Variants in CALCR observed in about 807,000 individuals in gnomAD.
CALCR encodes the protein calcitonin receptor.
In CALCR, 47 loss-of-function variants were observed where a neutral mutation model predicts 59.5. The ratio of observed to expected loss-of-function variants is 0.79; its 90% CI spans 0.63 to 1.01. CALCR has a LOEUF of 1.01. Among genes scored for constraint, CALCR ranks in the 50% least tolerant of loss-of-function variants. The pLI is 0.00. For missense variants in CALCR, 566 were observed against 597.1 expected (o/e 0.95, Z 0.54); for synonymous variants, 213 against 211.3 (o/e 1.01, Z -0.07).
chr7:93,466,116 G>A (rs1315082156), intron 7 of CALCR, among the ~76,000 whole-genome samples: 1 of 151,824 alleles, frequency 6.6e-6, no homozygotes, highest in Non-Finnish European at 1.5e-5. Context: ...TTATAAAATT[G>A]TTTGGAGTTT....
intron 2 of CALCR, among the ~76,000 whole-genome samples, chr7:93,530,546 A>T (rs1388262623): frequency 6.6e-6 from 1 of 152,106 alleles, no homozygotes; most frequent in Non-Finnish European, 1.5e-5. Context: ...TACATTTTAA[A>T]ATTCATTAGA....
Position 93,436,162 on chromosome 7 carries a change from G to C in CALCR, c.939C>G (p.Phe313Leu), listed in dbSNP as rs199570255. The C allele has an allele frequency of 6.2e-7, 1 of 1,613,744 alleles. No individual in the cohort carries two copies. ...GPVMAALVVN[F>L]FFLLNIVRVL... is the part of the protein sequence containing the mutation. Reference sequence around the variant, plus strand: ...CCCGGACAATGTTGAGCAAAAAGAAGAAATTGACCTGCAAATATACGGTGT... The same window carrying C: ...CCCGGACAATGTTGAGCAAAAAGAACAAATTGACCTGCAAATATACGGTGT... The change falls in exon 12 of 14, where the codon TTC (phenylalanine) becomes TTG (leucine). Residue 313 changes from phenylalanine to leucine, a missense_variant. Phe to Leu is a conservative substitution (Grantham distance 22). Transcript: ENST00000426151.
intron 2 of CALCR, among the ~76,000 whole-genome samples, chr7:93,534,289 T>C (rs1052468857): frequency 2.4e-4 from 37 of 151,820 alleles, no homozygotes; most frequent in African/African-American, 8.7e-4. Context: ...AAGTAGAAAG[T>C]AAAGCTGAGT....
chr7:93,440,461 TG>T (rs1562974734), intron 9 of CALCR, among the ~76,000 whole-genome samples: 2 of 152,196 alleles, frequency 1.3e-5, no homozygotes, highest in African/African-American at 4.8e-5. Flanking sequence ...CTTTAAAATA[TG>T]TCAATTTTGT....
intron 9 of CALCR, among the ~76,000 whole-genome samples, chr7:93,441,816 A>G (rs1799912905): frequency 6.6e-6 from 1 of 152,110 alleles, no homozygotes; most frequent in Non-Finnish European, 1.5e-5. Context: ...CCTTTGCTGG[A>G]GGGTTCACAA....
In CALCR at chr7:93,443,622, A is replaced by G. The variant is rs1386367902; in HGVS notation, c.784T>C (p.Tyr262His). The G allele has an allele frequency of 6.2e-7, 1 of 1,613,302 alleles. No individual in the cohort carries two copies. Among genetic ancestry groups the G allele is most frequent in the Non-Finnish European group, 8.5e-7 (1 of 1,179,494 alleles). Reference protein sequence around the residue: ...VFTEKQRLRWYYLLGWGFPLV... With the variant: ...VFTEKQRLRWHYLLGWGFPLV... ...TACATACCCCAGCCCAAGAGATAAT[A>G]CCACCGCAAGCGTTGCTTCTCAGTA... is the stretch of plus-strand genomic sequence containing the variant. The change falls in exon 9 of 14, where the codon TAT becomes CAT. Residue 262 changes from tyrosine (Y) to histidine (H), a missense_variant. Transcript: ENST00000426151.
chr7:93,554,802 A>G (rs549023258), intron 2 of CALCR, among the ~76,000 whole-genome samples: 1 of 112,160 alleles, frequency 8.9e-6, no homozygotes, highest in African/African-American at 5.7e-5. Flanking sequence ...TTATACGTAC[A>G]TGTCATTTTA....
At position 93,482,731 on chromosome 7, in the gene CALCR, A is replaced by C. The variant is rs1022617776; in HGVS notation, c.52-3224T>G. Reference sequence around the variant, plus strand: ...GTGGAAATACGACAATCTGTATACGAGTAGTTATAATTCATGCTGATGAAA... The same window carrying C: ...GTGGAAATACGACAATCTGTATACGCGTAGTTATAATTCATGCTGATGAAA... On this transcript the variant is annotated intron_variant, in intron 3 of 13. Transcript: ENST00000426151. 10 of 530,862 alleles carry C rather than the reference A, an allele frequency of 1.9e-5. No homozygotes were observed. In the African/African-American group the frequency reaches 1.9e-4, roughly 10 times the overall value. 32.9% of individuals were successfully genotyped at this position (530,862 alleles called of 1,614,324 possible). A position where few individuals can be genotyped will look rare whatever the true frequency, so the allele number is the denominator to read the frequency against.
In CALCR at chr7:93,462,100, T is replaced by C. The variant is rs569673888; in HGVS notation, c.522-1153A>G. 172 of 1,499,356 alleles carry C rather than the reference T, an allele frequency of 1.1e-4. 4 individuals are homozygous for C. The South Asian group carries it at 2.1e-3, about 18-fold the overall frequency. The allele number at this position is 1,499,356 out of a possible 1,614,324, so 92.9% of individuals were successfully genotyped here. On this transcript the variant is annotated intron_variant, in intron 7 of 13. Coordinates refer to ENST00000426151, the MANE Select transcript of CALCR (RefSeq NM_001742.4). ...TATTTCCAATTCAAAGGAAAAATAG[T>C]TGTCAATTTTCTGCAATAAAAAGCA...
chr7:93,430,025 G>A (rs1039723918), intron 13 of CALCR, among the ~76,000 whole-genome samples: 9 of 148,964 alleles, frequency 6.0e-5, no homozygotes, highest in East Asian at 5.9e-4. Context: ...TCCACCTCCC[G>A]GGTTCACCCC....
intron 2 of CALCR, among the ~76,000 whole-genome samples, chr7:93,529,541 G>T (rs1187694290): frequency 6.6e-6 from 1 of 152,112 alleles, no homozygotes; most frequent in Non-Finnish European, 1.5e-5. Context: ...ACAATTTGAA[G>T]AACCACAAGA....
At chr7:93,434,066 C>T (rs1031113093) in intron 13 of CALCR, among the ~76,000 whole-genome samples, 187 bp downstream of exon 13, 1 of 152,170 alleles carries the variant, frequency 6.6e-6, no homozygotes, top group Non-Finnish European at 1.5e-5. Flanking sequence ...TCATATTTGC[C>T]ATTGTACTAC....
chr7:93,519,167 A>G (rs929908397), intron 2 of CALCR, among the ~76,000 whole-genome samples: 1 of 151,928 alleles, frequency 6.6e-6, no homozygotes, highest in African/African-American at 2.4e-5. Flanking sequence ...CGTACATACT[A>G]ATGTTTTCTC....
At chr7:93,563,764 A>T (rs1417612045) in intron 2 of CALCR, among the ~76,000 whole-genome samples, 3 of 152,214 alleles carry the variant, frequency 2.0e-5, no homozygotes, top group Non-Finnish European at 4.4e-5. Context: ...TATAACGAGC[A>T]CACTTCCCTT....
At chr7:93,452,459 A>AGCCAGCTGAAT (rs1288183913) in intron 8 of CALCR, among the ~76,000 whole-genome samples, 1 of 152,036 alleles carries the variant, frequency 6.6e-6, no homozygotes, top group East Asian at 1.9e-4. Context: ...CAGTCTTTAA[A>AGCCAGCTGAAT]GCCAGCTGAA....
chr7:93,564,460 T>TA lies in CALCR; in HGVS notation c.-27+9828dup, dbSNP rs899378626. Among the ~76,000 whole-genome samples the TA allele has an allele frequency of 3.5e-3, 507 of 146,186 alleles. 2 individuals are homozygous for TA. Among genetic ancestry groups the TA allele is most frequent in the African/African-American group, 1.0e-2 (402 of 40,306 alleles). On this transcript the variant is annotated intron_variant, in intron 2 of 13. Coordinates refer to ENST00000426151, the MANE Select transcript of CALCR (RefSeq NM_001742.4). ...ATCATTAACATTGATACTACACTTTTAAAAAAAAAAAAATGGAGTTTTGCT... is the reference window on the plus strand; with the variant it reads ...ATCATTAACATTGATACTACACTTTTAAAAAAAAAAAAAATGGAGTTTTGCT...
At chr7:93,461,153 T>C (rs1562982978) in intron 7 of CALCR, among the ~76,000 whole-genome samples, 1 of 152,188 alleles carries the variant, frequency 6.6e-6, no homozygotes, top group Admixed American at 6.5e-5. Flanking sequence ...TAGCAGGTCA[T>C]AGTTTTCAGT....
At position 93,424,487 on chromosome 7, in the gene CALCR, G is replaced by A. The variant is rs1799480915; in HGVS notation, c.*1869C>T. 6.6e-6 allele frequency: 1 copy of A among 152,246 alleles called. No individual in the cohort carries two copies. Among genetic ancestry groups the A allele is most frequent in the Non-Finnish European group, 1.5e-5 (1 of 68,002 alleles). 9.4% of individuals were successfully genotyped at this position (152,246 alleles called of 1,614,324 possible). A position where few individuals can be genotyped will look rare whatever the true frequency, so the allele number is the denominator to read the frequency against. ...GGAATGAGCAGGAGACGAGATGAAT[G>A]AATGAAAAGATGAATAATATATTTC... On this transcript the variant is annotated 3_prime_UTR_variant, in exon 14 of 14. Transcript: ENST00000426151.
In CALCR at chr7:93,494,256, G is replaced by A. The variant is rs1484884035; in HGVS notation, c.-26-7249C>T. Among the ~76,000 whole-genome samples, 4 of 151,352 alleles carry A rather than the reference G, an allele frequency of 2.6e-5. No homozygotes were observed. In the East Asian group the frequency reaches 7.8e-4, roughly 30 times the overall value. On this transcript the variant is annotated intron_variant, in intron 2 of 13. Coordinates refer to ENST00000426151, the MANE Select transcript of CALCR (RefSeq NM_001742.4). ...CATGTATTTGATATTTTGCAATGTA[G>A]AAGTTGCTGTTTGACTCAACAGTGT...
Sources: gnomAD v4.1 joint callset for allele counts (sites outside exome capture counted in the v4.1 genomes callset) on GRCh38, gnomAD v4.1.1 for gene constraint, MANE v1.5 for transcripts, NCBI Gene and HGNC (gene_info 2026-07-23, HGNC 2026-07-21) for gene names.